Variants in CMC2 observed in about 807,000 individuals in gnomAD.
CMC2 encodes the protein COX assembly mitochondrial protein 2 homolog.
Under a neutral mutation model 7.5 loss-of-function variants are expected in CMC2, and 5 were observed. The ratio of observed to expected loss-of-function variants is 0.66; its 90% CI spans 0.35 to 1.40. The LOEUF is 1.40. Among genes scored for constraint, CMC2 ranks in the 40% most tolerant of loss-of-function variants. The pLI is 0.04. For missense variants in CMC2, 115 were observed against 92.3 expected, an observed-to-expected ratio of 1.25 and a Z score of -1.01; for synonymous variants, 37 against 31.4, an observed-to-expected ratio of 1.18 and a Z score of -0.60.
At chr16:80,988,720 A>T in intron 2 of CMC2, 1 of 555,432 alleles carries the variant, frequency 1.8e-6, no homozygotes, top group East Asian at 3.1e-5. Flanking sequence ...TAATAATATC[A>T]TTCATGCAAA....
chr16:80,988,446 C>T, intron 2 of CMC2: 1 of 653,596 alleles, frequency 1.5e-6, no homozygotes, highest in African/African-American at 1.8e-5. Flanking sequence ...AAACATTTGT[C>T]AATTTCAAAC....
At chr16:80,977,177 C>T (rs550714644) in intron 3 of CMC2, among the ~76,000 whole-genome samples, 2 of 152,288 alleles carry the variant, frequency 1.3e-5, no homozygotes, top group African/African-American at 4.8e-5. Context: ...CCTGATACTC[C>T]TCAAATCCTA....
At chr16:80,988,516 T>G in intron 2 of CMC2, 1 of 696,110 alleles carries the variant, frequency 1.4e-6, no homozygotes, top group South Asian at 1.5e-5. Context: ...TTCACCAAAT[T>G]TGCTTTATCC....
intron 2 of CMC2, among the ~76,000 whole-genome samples, chr16:80,985,821 G>T (rs1463705697): frequency 6.8e-6 from 1 of 146,870 alleles, no homozygotes; most frequent in Non-Finnish European, 1.5e-5. Flanking sequence ...ACAGTAAGTG[G>T]AGCCAGGAGG....
rs12929016 is a variant in CMC2 at position 80,969,341 on chromosome 16, A to T, written c.*6752T>A. The T allele has an allele frequency of 0.18, 26,930 of 152,306 alleles. 2,831 individuals carry two copies. Among genetic ancestry groups the T allele is most frequent in the African/African-American group, 0.3 (12,543 of 41,432 alleles). The allele number at this position is 152,306 out of a possible 1,614,324, so 9.4% of individuals were successfully genotyped here. Reference sequence around the variant, plus strand: ...CACAAGGTACCTGAACCAACTAAGGACCGAAGAACCCAAAACAACAGATAT... The same window carrying T: ...CACAAGGTACCTGAACCAACTAAGGTCCGAAGAACCCAAAACAACAGATAT... On this transcript the variant is annotated 3_prime_UTR_variant, in exon 4 of 4. Transcript: ENST00000219400.
chr16:80,996,878 T>C (rs549412884), intron 2 of CMC2: 2 of 300,356 alleles, frequency 6.7e-6, no homozygotes, highest in African/African-American at 2.2e-5. Context: ...ATTAAGCCAA[T>C]CATAAATCTA....
intron 2 of CMC2, among the ~76,000 whole-genome samples, chr16:80,990,549 T>C (rs891590928): frequency 6.6e-6 from 1 of 152,326 alleles, no homozygotes; most frequent in Non-Finnish European, 1.5e-5. Flanking sequence ...TCAATCTCAT[T>C]AGCTTCTGGT....
chr16:80,985,593 T>A (rs1221744894), intron 2 of CMC2, among the ~76,000 whole-genome samples: 1 of 152,088 alleles, frequency 6.6e-6, no homozygotes, highest in African/African-American at 2.4e-5. Context: ...ATCACCCACA[T>A]AAACAATAGC....
chr16:80,999,767 T>C (rs1006945514), intron 1 of CMC2, among the ~76,000 whole-genome samples: 1 of 152,192 alleles, frequency 6.6e-6, no homozygotes, highest in Non-Finnish European at 1.5e-5. Flanking sequence ...ACTTTTGATC[T>C]TTGACAAAGT....
chr16:80,997,325 A>T lies in CMC2; in HGVS notation c.70T>A (p.Cys24Ser), dbSNP rs764267842. The T allele has an allele frequency of 1.9e-6, 3 of 1,588,532 alleles. No homozygotes were observed. The highest frequency in any genetic ancestry group is 2.6e-6 in the Non-Finnish European group (3 of 1,156,992). Residue 24 changes from cysteine (C) to serine (S), a missense_variant, in exon 2 of 4, where the codon TGT (cysteine) becomes AGT (serine). By Grantham distance (112) the Cys-to-Ser change is moderately radical (BLOSUM62 -1). Coordinates refer to ENST00000219400, the MANE Select transcript of CMC2 (RefSeq NM_020188.5). ...CNVLINLLKE[C>S]HKNHNILKFF... ...TTCTGAACTCTTACATTTTTGTGAC[A>T]TTCCTTAAGCAAGTTAATCAAGACG...
intron 1 of CMC2, among the ~76,000 whole-genome samples, chr16:81,001,729 C>T (rs1226661862): frequency 6.6e-6 from 1 of 152,004 alleles, no homozygotes; most frequent in Non-Finnish European, 1.5e-5. Context: ...TCCCACTCAA[C>T]AGAAACAAAA....
rs1911832872 is a variant in CMC2, at chr16:80,970,362, C to G, written c.*5731G>C. 6.6e-6 allele frequency: 1 copy of G among 152,126 alleles called. No individual in the cohort carries two copies. The highest frequency in any genetic ancestry group is 1.5e-5 in the Non-Finnish European group (1 of 68,044). The allele number at this position is 152,126 out of a possible 1,614,324, so 9.4% of individuals were successfully genotyped here. ...GAATTGGAGAAAATGCAGTATTTAGCTTTTGAGTTTCACAAATATGGGAAG... is the reference window on the plus strand; with the variant it reads ...GAATTGGAGAAAATGCAGTATTTAGGTTTTGAGTTTCACAAATATGGGAAG... On this transcript the variant is annotated 3_prime_UTR_variant, in exon 4 of 4. Transcript: ENST00000219400.
chr16:80,996,033 G>C (rs973517390), intron 2 of CMC2, among the ~76,000 whole-genome samples: 1 of 151,392 alleles, frequency 6.6e-6, no homozygotes, highest in African/African-American at 2.4e-5. Context: ...CGTTTAAATA[G>C]ATTTCAATTT....
In CMC2 at chr16:81,006,819, A is replaced by T; in HGVS notation, c.-121T>A. ...GAAGGCCGGCTGCTAGGGAGCAGAC[A>T]GCTGAACCGCTTGCCAGACGCCGAA... On this transcript the variant is annotated 5_prime_UTR_variant, in exon 1 of 4. Coordinates refer to ENST00000219400, the MANE Select transcript of CMC2 (RefSeq NM_020188.5). The T allele has an allele frequency of 1.0e-6, 1 of 985,534 alleles. No individual in the cohort carries two copies. The highest frequency in any genetic ancestry group is 1.2e-6 in the Non-Finnish European group (1 of 830,052). The allele number at this position is 985,534 out of a possible 1,614,324, so 61.0% of individuals were successfully genotyped here. A position where few individuals can be genotyped will look rare whatever the true frequency, so the allele number is the denominator to read the frequency against.
rs965513082 is a variant in CMC2 at position 80,966,536 on chromosome 16, C to G, written c.*9557G>C. ...GGTCTTAGGTTGAAAATCTTGGTTTCTACTGACACTAACATCATAACTTTA... is the reference window on the plus strand; with the variant it reads ...GGTCTTAGGTTGAAAATCTTGGTTTGTACTGACACTAACATCATAACTTTA... On this transcript the variant is annotated 3_prime_UTR_variant, in exon 4 of 4. Transcript: ENST00000219400. 3 of 151,742 alleles carry G rather than the reference C, an allele frequency of 2.0e-5. No individual in the cohort carries two copies. The highest frequency in any genetic ancestry group is 4.4e-5 in the Non-Finnish European group (3 of 68,006). 9.4% of individuals were successfully genotyped at this position (151,742 alleles called of 1,614,324 possible). A position where few individuals can be genotyped will look rare whatever the true frequency, so the allele number is the denominator to read the frequency against.
At chr16:80,978,936 C>T (rs1468207517) in intron 3 of CMC2, among the ~76,000 whole-genome samples, 1 of 152,078 alleles carries the variant, frequency 6.6e-6, no homozygotes, top group Non-Finnish European at 1.5e-5. Flanking sequence ...AAAAAATTAG[C>T]TGGGCGTGGT....
intron 3 of CMC2, among the ~76,000 whole-genome samples, chr16:80,979,133 T>C (rs1220473361): frequency 1.3e-5 from 2 of 151,630 alleles, no homozygotes; most frequent in African/African-American, 2.4e-5. Flanking sequence ...AGATGACATA[T>C]GAAGCAAACA....
At chr16:80,985,666 A>C (rs1381075354) in intron 2 of CMC2, among the ~76,000 whole-genome samples, 1 of 152,150 alleles carries the variant, frequency 6.6e-6, no homozygotes, top group Non-Finnish European at 1.5e-5. Flanking sequence ...AAAGTGTGAG[A>C]ACTGCCACGA....
intron 2 of CMC2, among the ~76,000 whole-genome samples, chr16:80,992,716 T>TG (rs762901011): frequency 0.021 from 1,746 of 83,402 alleles, 17 homozygotes; most frequent in Middle Eastern, 0.094. Flanking sequence ...TTTTTTTTTT[T>TG]TTTTTTGTGT....
Sources: allele counts gnomAD v4.1 joint callset (sites outside exome capture counted in the v4.1 genomes callset), GRCh38; gene constraint gnomAD v4.1.1; transcripts MANE v1.5; gene names NCBI Gene and HGNC (gene_info 2026-07-23, HGNC 2026-07-21).